The following CAMK1D variants were observed in gnomAD, a reference collection of about 807,000 sequenced individuals.
CAMK1D encodes calcium/calmodulin-dependent protein kinase type 1D.
Under a neutral mutation model 47.7 loss-of-function variants are expected in CAMK1D, and 9 were observed. The ratio of observed to expected loss-of-function variants is 0.19; its 90% CI spans 0.11 to 0.33. The LOEUF is 0.33. Ranked by LOEUF, CAMK1D falls within the 10% of genes least tolerant of loss-of-function variation. The probability of loss-of-function intolerance (pLI) is 1.00; values close to 1 mark genes in which losing one functional copy is unlikely to be tolerated. For missense variants in CAMK1D, 291 were observed against 488.7 expected (o/e 0.60, Z 3.81); for synonymous variants, 184 against 184.9 (o/e 0.99, Z 0.04).
intron 3 of CAMK1D, among the ~76,000 whole-genome samples, chr10:12,707,505 G>A (rs573048993): frequency 5.1e-4 from 78 of 152,320 alleles, no homozygotes; most frequent in African/African-American, 1.9e-3. Flanking sequence ...AACATTGGCA[G>A]CAAGGCAGGT....
chr10:12,586,583 G>A (rs1837825823), intron 2 of CAMK1D, among the ~76,000 whole-genome samples: 1 of 151,686 alleles, frequency 6.6e-6, no homozygotes, highest in Non-Finnish European at 1.5e-5. Context: ...ACTGAGAGAA[G>A]ATCCAGGATT....
chr10:12,765,347 T>C (rs920934073), intron 4 of CAMK1D, among the ~76,000 whole-genome samples: 5 of 151,540 alleles, frequency 3.3e-5, no homozygotes, highest in African/African-American at 1.2e-4. Context: ...GGAATACAGC[T>C]AGACGAGTAG....
intron 1 of CAMK1D, among the ~76,000 whole-genome samples, chr10:12,450,013 G>A (rs1415446552): frequency 2.0e-5 from 3 of 147,252 alleles, no homozygotes; most frequent in African/African-American, 7.5e-5. Flanking sequence ...AAATACACAC[G>A]TATATAAAAA....
intron 2 of CAMK1D, among the ~76,000 whole-genome samples, chr10:12,649,356 C>T (rs1194401058): frequency 2.0e-5 from 3 of 152,172 alleles, no homozygotes; most frequent in East Asian, 3.9e-4. Context: ...AAGGGGAGGT[C>T]GGCTGGCAAA....
chr10:12,552,274 GGA>G (rs1588624740), intron 1 of CAMK1D, among the ~76,000 whole-genome samples: 2 of 152,186 alleles, frequency 1.3e-5, no homozygotes, highest in East Asian at 3.8e-4. Context: ...TTTTCAGGCA[GGA>G]CAGTCTTCCC....
intron 1 of CAMK1D, among the ~76,000 whole-genome samples, chr10:12,425,723 G>A (rs935431182): frequency 1.3e-5 from 2 of 152,352 alleles, no homozygotes; most frequent in East Asian, 1.9e-4. Context: ...GGCACAGCTC[G>A]CTGAGGTTAG....
At chr10:12,550,413 G>A (rs986605303) in intron 1 of CAMK1D, among the ~76,000 whole-genome samples, 2 of 152,144 alleles carry the variant, frequency 1.3e-5, no homozygotes, top group Non-Finnish European at 2.9e-5. Context: ...TCCTCATTCA[G>A]GGTCTTGACC....
intron 1 of CAMK1D, among the ~76,000 whole-genome samples, chr10:12,457,292 G>A (rs1219185233): frequency 6.6e-6 from 1 of 152,034 alleles, no homozygotes; most frequent in African/African-American, 2.4e-5. Flanking sequence ...CCTGGAGGCT[G>A]AGGCAGGAGA....
At chr10:12,434,634 A>G (rs1832576279) in intron 1 of CAMK1D, among the ~76,000 whole-genome samples, 1 of 152,196 alleles carries the variant, frequency 6.6e-6, no homozygotes, top group Non-Finnish European at 1.5e-5. Flanking sequence ...AAGGACCTAA[A>G]TTAGCAAATC....
At chr10:12,781,671 A>T (rs1376098696) in intron 5 of CAMK1D, among the ~76,000 whole-genome samples, 1 of 113,248 alleles carries the variant, frequency 8.8e-6, no homozygotes, top group South Asian at 2.8e-4. Context: ...TTTTTTTTTG[A>T]AACGGAGTCT....
In CAMK1D at chr10:12,829,111, G is replaced by A. The variant is rs1833365979; in HGVS notation, c.*224G>A. The stretch of plus-strand genomic sequence containing the variant: ...AGGGGCGCTGATTTCATAGGATCTG[G>A]TGCTGTATATACGAATCTTGCAAAG... On this transcript the variant is annotated 3_prime_UTR_variant, in exon 11 of 11. Transcript: ENST00000619168. 2 of 494,732 alleles carry A rather than the reference G, an allele frequency of 4.0e-6. No homozygotes were observed. Among genetic ancestry groups the A allele is most frequent in the East Asian group, 7.3e-5 (2 of 27,350 alleles). 30.6% of individuals were successfully genotyped at this position (494,732 alleles called of 1,614,324 possible). A position where few individuals can be genotyped will look rare whatever the true frequency, so the allele number is the denominator to read the frequency against.
intron 3 of CAMK1D, among the ~76,000 whole-genome samples, chr10:12,744,587 A>G (rs1430780027): frequency 2.0e-5 from 3 of 152,174 alleles, no homozygotes; most frequent in Admixed American, 6.5e-5. Context: ...GGCAACAAAG[A>G]AAGGCGAACC....
At chr10:12,625,355 A>T (rs1281492324) in intron 2 of CAMK1D, among the ~76,000 whole-genome samples, 1 of 149,614 alleles carries the variant, frequency 6.7e-6, no homozygotes, top group Non-Finnish European at 1.5e-5. Context: ...AAAAAAAAAA[A>T]AGTAAAGAAA....
At chr10:12,805,495 C>T (rs907949613) in intron 6 of CAMK1D, among the ~76,000 whole-genome samples, 8 of 151,388 alleles carry the variant, frequency 5.3e-5, no homozygotes, top group African/African-American at 1.7e-4. Context: ...CTCAGCCTCC[C>T]GAGTAGCTGG....
chr10:12,439,898 G>T (rs10906149), intron 1 of CAMK1D, among the ~76,000 whole-genome samples: 3 of 152,098 alleles, frequency 2.0e-5, no homozygotes, highest in African/African-American at 7.2e-5. Flanking sequence ...CTTACATGGC[G>T]GCAGGCAAGA....
At chr10:12,784,611 C>T (rs1247085465) in intron 5 of CAMK1D, among the ~76,000 whole-genome samples, 1 of 152,214 alleles carries the variant, frequency 6.6e-6, no homozygotes, top group Admixed American at 6.5e-5. Flanking sequence ...ATCATGTGTT[C>T]ATGGAAAGGT....
chr10:12,746,302 T>C (rs1318124097), intron 3 of CAMK1D, among the ~76,000 whole-genome samples: 1 of 145,892 alleles, frequency 6.9e-6, no homozygotes, highest in Non-Finnish European at 1.5e-5. Flanking sequence ...AGGCGGAGCT[T>C]GCAGTGAGCC....
chr10:12,468,425 T>C (rs765682347), intron 1 of CAMK1D, among the ~76,000 whole-genome samples: 7 of 152,160 alleles, frequency 4.6e-5, no homozygotes, highest in Non-Finnish European at 8.8e-5. Context: ...ATAAAAGCCA[T>C]GTTGTGGGCC....
chr10:12,703,435 T>C (rs1051040106), intron 3 of CAMK1D, among the ~76,000 whole-genome samples: 2 of 152,216 alleles, frequency 1.3e-5, no homozygotes, highest in Non-Finnish European at 2.9e-5. Flanking sequence ...CACAGCTGTC[T>C]TGGCTCCTGG....
Sources: gnomAD v4.1 joint callset for allele counts (sites outside exome capture counted in the v4.1 genomes callset) on GRCh38, gnomAD v4.1.1 for gene constraint, MANE v1.5 for transcripts, NCBI Gene and HGNC (gene_info 2026-07-23, HGNC 2026-07-21) for gene names.